Variants in ANKRD26 observed in about 807,000 individuals in gnomAD.
ANKRD26 encodes the protein ankyrin repeat domain 26, also known as ankyrin repeat domain-containing protein 26.
ANKRD26 carries 141 observed loss-of-function variants against 208.7 expected under a neutral mutation model. That is an observed-to-expected ratio of 0.68 (90% CI 0.59 to 0.78). ANKRD26 has a LOEUF of 0.78. Ranked by LOEUF, ANKRD26 falls within the 30% of genes least tolerant of loss-of-function variation. The probability of loss-of-function intolerance (pLI) is 0.00; values close to 1 mark genes in which losing one functional copy is unlikely to be tolerated. For missense variants in ANKRD26, 1,889 were observed against 1,938.7 expected (o/e 0.97, Z 0.48); for synonymous variants, 636 against 660.4 (o/e 0.96, Z 0.57).
chr10:26,999,269 C>T (rs969003602), downstream of ANKRD26, among the ~76,000 whole-genome samples: 2 of 152,188 alleles, frequency 1.3e-5, no homozygotes, highest in African/African-American at 4.8e-5. Flanking sequence ...TAAATATTTG[C>T]ATGACAATTC....
At position 27,043,454 on chromosome 10, in the gene ANKRD26, G is replaced by A. The variant is rs773892031; in HGVS notation, c.2133C>T (p.Leu711=). The A allele has an allele frequency of 9.3e-6, 15 of 1,613,862 alleles. No individual in the cohort carries two copies. The highest frequency in any genetic ancestry group is 1.3e-5 in the Non-Finnish European group (15 of 1,179,964). The change falls in exon 20 of 34, where the codon CTC becomes CTT. Residue 711 remains leucine (L), a synonymous_variant. Coordinates refer to ENST00000376087, the MANE Select transcript of ANKRD26 (RefSeq NM_014915.3). ...TACACTCCATTCCAAGTTGTTCAAT[G>A]AGCAACATAAAATTCTTGTAACTAG... ...PHSSYKNFML[L]IEQLGMECKD... is the part of the protein sequence containing the mutation.
chr10:27,027,710 G>A (rs1039290249), intron 27 of ANKRD26, among the ~76,000 whole-genome samples: 2 of 152,048 alleles, frequency 1.3e-5, no homozygotes, highest in Non-Finnish European at 2.9e-5. Flanking sequence ...TTATCAATAA[G>A]GATTTTCATA....
At chr10:27,062,850 T>G (rs1434046104) in intron 12 of ANKRD26, among the ~76,000 whole-genome samples, 4 of 151,356 alleles carry the variant, frequency 2.6e-5, no homozygotes, top group Non-Finnish European at 1.5e-5. Flanking sequence ...TCACTGCAAC[T>G]TCCGTCTCCT....
chr10:27,048,528 G>T (rs938955054), intron 17 of ANKRD26, among the ~76,000 whole-genome samples: 27 of 151,974 alleles, frequency 1.8e-4, no homozygotes, highest in African/African-American at 6.3e-4. Flanking sequence ...CCTTCAAAAA[G>T]GATTTACCAA....
intron 11 of ANKRD26, among the ~76,000 whole-genome samples, chr10:27,065,349 A>G (rs1302918896): frequency 6.6e-6 from 1 of 152,130 alleles, no homozygotes; most frequent in Non-Finnish European, 1.5e-5. Flanking sequence ...GTACTCAATA[A>G]ACAGAAATTT....
intron 19 of ANKRD26, 103 bp downstream of exon 19, chr10:27,044,054 A>G: frequency 1.1e-6 from 1 of 888,198 alleles, no homozygotes; most frequent in Non-Finnish European, 1.6e-6. Flanking sequence ...TTAGCCTTCC[A>G]AAGTGCTGAG....
At chr10:26,994,418 C>T (rs1030906834) in intron 5 of ANKRD26, among the ~76,000 whole-genome samples, 2 of 152,182 alleles carry the variant, frequency 1.3e-5, no homozygotes, top group Admixed American at 6.5e-5. Context: ...CCATAAGGGG[C>T]ATCTGACATC....
At chr10:27,089,078 A>T (rs575429032) in intron 4 of ANKRD26, among the ~76,000 whole-genome samples, 2 of 152,332 alleles carry the variant, frequency 1.3e-5, no homozygotes, top group East Asian at 3.9e-4. Flanking sequence ...CTACCTATGG[A>T]TCACCATGAA....
intron 9 of ANKRD26, among the ~76,000 whole-genome samples, chr10:27,071,819 T>C (rs550135257): frequency 6.6e-6 from 1 of 151,554 alleles, no homozygotes; most frequent in African/African-American, 2.4e-5. Flanking sequence ...AAGCCCTAAC[T>C]CCCCCCGCGC....
intron 5 of ANKRD26, among the ~76,000 whole-genome samples, chr10:27,086,077 T>G (rs1490165369): frequency 6.6e-6 from 1 of 152,100 alleles, no homozygotes; most frequent in Admixed American, 6.6e-5. Context: ...TTAGTGCAGA[T>G]TTTCAGCTGC....
the ANKRD26 span, among the ~76,000 whole-genome samples, chr10:26,964,029 A>AGCCTCCCAAGT: frequency 6.8e-6 from 1 of 146,744 alleles, no homozygotes; most frequent in Admixed American, 7.1e-5. Flanking sequence ...CTCTTGCCTC[A>AGCCTCCCAAGT]GCCTCCCAAG....
chr10:26,999,807 C>CAAAAAAAAAAAA (rs68192322), downstream of ANKRD26, among the ~76,000 whole-genome samples: 1 of 74,778 alleles, frequency 1.3e-5, no homozygotes, highest in Non-Finnish European at 2.8e-5. Flanking sequence ...CAAAACCAAC[C>CAAAAAAAAAAAA]AAAAAAAAAA....
chr10:27,013,909 T>G (rs1212953978), intron 31 of ANKRD26, among the ~76,000 whole-genome samples: 1 of 152,192 alleles, frequency 6.6e-6, no homozygotes, highest in Non-Finnish European at 1.5e-5. Context: ...AAGGTGTTAT[T>G]TTTAACCACT....
At chr10:26,973,456 C>CA (rs563472384), downstream of ANKRD26, among the ~76,000 whole-genome samples, 799 of 143,124 alleles carry the variant, frequency 5.6e-3, 5 homozygotes, top group Non-Finnish European at 9.2e-3. Context: ...TATATCTTTC[C>CA]TTTTTTTTTT....
chr10:27,050,219 CA>C (rs67384671), intron 16 of ANKRD26, among the ~76,000 whole-genome samples: 3,399 of 32,924 alleles, frequency 0.1, 9 homozygotes, highest in East Asian at 0.27. Context: ...GAATCTGTCT[CA>C]AAAAAAAAAA....
chr10:27,080,233 T>C (rs7918232), intron 6 of ANKRD26: 129,294 of 152,930 alleles, frequency 0.85, 54,984 homozygotes, highest in East Asian at 0.99. Flanking sequence ...TACACTGTCC[T>C]TTCTCCACTA....
Position 27,060,533 on chromosome 10 carries a change from A to T in ANKRD26, c.1470T>A (p.Pro490=). ...TTACCTTCAAGTGAAGATATCTCTC[A>T]GGAGACTCTAAAAACCAAAAGGGAC... ...VGMPVAHMES[P]ERYLHLKPTI... The change falls in exon 14 of 34, where the codon CCT becomes CCA. Residue 490 remains proline (P), a synonymous_variant. Transcript: ENST00000376087. 6.5e-7 allele frequency: 1 copy of T among 1,541,030 alleles called. No homozygotes were observed. The highest frequency in any genetic ancestry group is 8.9e-7 in the Non-Finnish European group (1 of 1,117,770).
chr10:26,951,513 A>T, the ANKRD26 span, among the ~76,000 whole-genome samples: 1 of 152,168 alleles, frequency 6.6e-6, no homozygotes, highest in Non-Finnish European at 1.5e-5. Flanking sequence ...CTTGTGACTC[A>T]CCTTTTATAC....
At chr10:26,982,589 T>C (rs1363509543) in intron 4 of ANKRD26, among the ~76,000 whole-genome samples, 2 of 149,464 alleles carry the variant, frequency 1.3e-5, no homozygotes, top group African/African-American at 4.9e-5. Flanking sequence ...TCTTGTCTCA[T>C]GGAGATTTAA....
Sources: gnomAD v4.1 joint callset for allele counts (sites outside exome capture counted in the v4.1 genomes callset) on GRCh38, gnomAD v4.1.1 for gene constraint, MANE v1.5 for transcripts, NCBI Gene and HGNC (gene_info 2026-07-23, HGNC 2026-07-21) for gene names.